Variants in UBE2E3 observed in about 807,000 individuals in gnomAD.
The protein encoded by UBE2E3 is ubiquitin conjugating enzyme E2 E3.
UBE2E3 carries 5 observed loss-of-function variants against 23.6 expected under a neutral mutation model. That is an observed-to-expected ratio of 0.21 (90% CI 0.11 to 0.44). The LOEUF (loss-of-function observed/expected upper bound fraction) is 0.44. Ranked by LOEUF, UBE2E3 falls within the 20% of genes least tolerant of loss-of-function variation. The probability of loss-of-function intolerance (pLI) is 0.99; values close to 1 mark genes in which losing one functional copy is unlikely to be tolerated. For synonymous variants in UBE2E3, 78 were observed against 87.5 expected, an observed-to-expected ratio of 0.89 and a Z score of 0.60; for missense variants, 81 against 249.8, an observed-to-expected ratio of 0.32 and a Z score of 4.55.
intron 3 of UBE2E3, among the ~76,000 whole-genome samples, chr2:181,050,368 C>CT (rs1228564802): frequency 1.3e-5 from 2 of 151,864 alleles, no homozygotes; most frequent in African/African-American, 4.8e-5. Context: ...CTAAAAGACT[C>CT]TAAAACTCAT....
intron 3 of UBE2E3, among the ~76,000 whole-genome samples, chr2:181,017,520 C>G (rs1685534092): frequency 6.6e-6 from 1 of 151,924 alleles, no homozygotes; most frequent in African/African-American, 2.4e-5. Flanking sequence ...CAAGGGAAGA[C>G]AGCGTGTATG....
chr2:181,051,056 G>A (rs889004847), intron 3 of UBE2E3, among the ~76,000 whole-genome samples: 1 of 151,430 alleles, frequency 6.6e-6, no homozygotes, highest in Admixed American at 6.6e-5. Context: ...TTTCCTTCCG[G>A]CCCAGAGGCA....
At chr2:181,014,887 A>G (rs563352908) in intron 3 of UBE2E3, among the ~76,000 whole-genome samples, 105 of 152,274 alleles carry the variant, frequency 6.9e-4, no homozygotes, top group African/African-American at 2.4e-3. Flanking sequence ...TTTGAAATAT[A>G]TAATAAATTA....
intron 3 of UBE2E3, among the ~76,000 whole-genome samples, chr2:181,039,338 A>G (rs1686403500): frequency 6.6e-6 from 1 of 152,138 alleles, no homozygotes; most frequent in South Asian, 2.1e-4. Flanking sequence ...GAAAAATACA[A>G]TAAATGGCTA....
chr2:181,042,343 G>T (rs866974468), intron 3 of UBE2E3, among the ~76,000 whole-genome samples: 3 of 152,192 alleles, frequency 2.0e-5, no homozygotes, highest in South Asian at 2.1e-4. Flanking sequence ...CTGACTTTAA[G>T]TGGCTGTGCT....
chr2:181,021,632 TTTCCTTCCTTCC>T (rs544002192), intron 3 of UBE2E3, among the ~76,000 whole-genome samples: 341 of 40,008 alleles, frequency 8.5e-3, no homozygotes, highest in Non-Finnish European at 0.012. Flanking sequence ...CCCTCCCTTT[TTTCCTTCCTTCC>T]TTCCTTCCTT....
At chr2:180,999,441 C>T (rs894121752) in intron 3 of UBE2E3, among the ~76,000 whole-genome samples, 2 of 152,228 alleles carry the variant, frequency 1.3e-5, no homozygotes, top group South Asian at 4.1e-4. Context: ...TTTATTTCTT[C>T]ACTGTATATT....
upstream of UBE2E3, chr2:180,980,490 A>C (rs1242511925): frequency 6.7e-6 from 1 of 148,916 alleles, no homozygotes; most frequent in Non-Finnish European, 1.5e-5. The surrounding 1 kb of genome is among the most constrained non-coding windows in gnomAD (Gnocchi z 5.5). Context: ...CGCGCACGGG[A>C]GCGCGCGGGA....
chr2:181,011,082 G>A (rs530441529), intron 3 of UBE2E3, among the ~76,000 whole-genome samples: 1 of 151,208 alleles, frequency 6.6e-6, no homozygotes, highest in African/African-American at 2.4e-5. Flanking sequence ...ACAGGGTCTT[G>A]ACTTTTTTTT....
intron 3 of UBE2E3, among the ~76,000 whole-genome samples, chr2:181,048,530 A>C (rs1013872388): frequency 5.3e-5 from 8 of 152,118 alleles, no homozygotes; most frequent in Admixed American, 2.0e-4. Flanking sequence ...ACATTTACCA[A>C]AACGAGGTCA....
intron 3 of UBE2E3, among the ~76,000 whole-genome samples, chr2:181,024,395 A>G (rs139902523): frequency 6.6e-6 from 1 of 152,248 alleles, no homozygotes; most frequent in African/African-American, 2.4e-5. Flanking sequence ...AACATTTTCA[A>G]AAAGGAAGGA....
intron 3 of UBE2E3, among the ~76,000 whole-genome samples, chr2:181,034,920 A>G (rs567894048): frequency 6.6e-6 from 1 of 152,336 alleles, no homozygotes; most frequent in Admixed American, 6.5e-5. Context: ...AATATGAAAT[A>G]CTAACATTAG....
In UBE2E3 at chr2:181,025,297, G is replaced by A. The variant is rs1374906171; in HGVS notation, c.246-32396G>A. Among the ~76,000 whole-genome samples, 6 of 151,974 alleles carry A rather than the reference G, an allele frequency of 3.9e-5. 1 individual carries two copies. Among genetic ancestry groups the A allele is most frequent in the South Asian group, 2.1e-4 (1 of 4,818 alleles). ...CCTTGCTCTTAACATTTAAGACAATGGAGTGTCTTGCTTTCTAGAAATGCT... is the reference window on the plus strand; with the variant it reads ...CCTTGCTCTTAACATTTAAGACAATAGAGTGTCTTGCTTTCTAGAAATGCT... On this transcript the variant is annotated intron_variant, in intron 3 of 5. Transcript: ENST00000410062.
intron 1 of UBE2E3, 142 bp from the exon 2 acceptor site, chr2:180,981,876 C>G (rs1359414633): frequency 1.6e-6 from 1 of 624,570 alleles, no homozygotes; most frequent in Admixed American, 3.3e-5. Flanking sequence ...TTGTACGTAC[C>G]CCTGTTGTAC....
chr2:181,030,851 C>G lies in UBE2E3; in HGVS notation c.246-26842C>G, dbSNP rs185741152. Among the ~76,000 whole-genome samples, 25 of 152,086 alleles carry G rather than the reference C, an allele frequency of 1.6e-4. No homozygotes were observed. In the East Asian group the frequency reaches 4.6e-3, roughly 28 times the overall value. On this transcript the variant is annotated intron_variant, in intron 3 of 5. Transcript: ENST00000410062. ...TTTTCATGTCTGTTATTTCTGTCTTCTCTCTGTCTTGTCACAAGGTTTCTA... is the reference window on the plus strand; with the variant it reads ...TTTTCATGTCTGTTATTTCTGTCTTGTCTCTGTCTTGTCACAAGGTTTCTA...
chr2:181,000,282 G>GTGAATTGGGATACA (rs1684951796), intron 3 of UBE2E3, among the ~76,000 whole-genome samples: 1 of 151,932 alleles, frequency 6.6e-6, no homozygotes, highest in African/African-American at 2.4e-5. Context: ...TACATGAATA[G>GTGAATTGGGATACA]TGATTTAAAA....
chr2:181,007,425 A>C (rs1368641817), intron 3 of UBE2E3, among the ~76,000 whole-genome samples: 1 of 152,164 alleles, frequency 6.6e-6, no homozygotes, highest in African/African-American at 2.4e-5. Flanking sequence ...TCATTTTATA[A>C]ATATAAGAGA....
intron 3 of UBE2E3, among the ~76,000 whole-genome samples, chr2:180,996,870 A>G (rs1489437893): frequency 6.6e-6 from 1 of 151,524 alleles, no homozygotes; most frequent in Non-Finnish European, 1.5e-5. Flanking sequence ...TCTGATATGC[A>G]AAAAAAAATT....
At chr2:181,004,593 A>G (rs1270016340) in intron 3 of UBE2E3, among the ~76,000 whole-genome samples, 2 of 152,088 alleles carry the variant, frequency 1.3e-5, no homozygotes, top group African/African-American at 4.8e-5. Flanking sequence ...AGATTGTGCC[A>G]CCGCACCCCA....
Sources: allele counts gnomAD v4.1 joint callset (sites outside exome capture counted in the v4.1 genomes callset), GRCh38; gene constraint gnomAD v4.1.1; non-coding constraint Gnocchi (gnomAD v3.1); transcripts MANE v1.5; gene names NCBI Gene and HGNC (gene_info 2026-07-23, HGNC 2026-07-21).